ASCC2: variants seen among roughly 807,000 people sequenced by gnomAD.
The protein encoded by ASCC2 is ASC-1 complex subunit P100.
Under a neutral mutation model 93.5 loss-of-function variants are expected in ASCC2, and 42 were observed. The ratio of observed to expected loss-of-function variants is 0.45; its 90% CI spans 0.35 to 0.58. The LOEUF is 0.58. ASCC2 is among the 20% of genes least tolerant of loss of function. The pLI is 0.00. For missense variants in ASCC2, 859 were observed against 977.6 expected (o/e 0.88, Z 1.62); for synonymous variants, 364 against 384.2 (o/e 0.95, Z 0.62).
At chr22:29,832,587 C>CTTT (rs375947944) in intron 1 of ASCC2, 118 of 200,134 alleles carry the variant, frequency 5.9e-4, no homozygotes, top group South Asian at 1.0e-3. Flanking sequence ...TTTCCACCCA[C>CTTT]TTTTTTTTTT....
chr22:29,807,710 A>G (rs2059837521), intron 9 of ASCC2, among the ~76,000 whole-genome samples: 1 of 152,056 alleles, frequency 6.6e-6, no homozygotes, highest in Non-Finnish European at 1.5e-5. Context: ...GCAGTTCAAG[A>G]CCAGCCTGGC....
intron 5 of ASCC2, chr22:29,816,698 A>G (rs1008558786): frequency 6.6e-6 from 1 of 152,092 alleles, no homozygotes; most frequent in South Asian, 2.1e-4. Context: ...AGTGTTTACT[A>G]TTCTCCAAGT....
At position 29,793,564 on chromosome 22, in the gene ASCC2, C is replaced by T. The variant is rs747990302; in HGVS notation, c.1788+13G>A. 2.5e-6 allele frequency: 4 copies of T among 1,613,402 alleles called. No individual in the cohort carries two copies. Among genetic ancestry groups the T allele is most frequent in the Non-Finnish European group, 3.4e-6 (4 of 1,179,820 alleles). ...TTCCCTGGCCCAGCAGAGACCTGGC[C>T]TTGGTGGCCTACCTCCTCCACCACC... is the stretch of plus-strand genomic sequence containing the variant. On this transcript the variant is annotated intron_variant, in intron 16 of 19. Coordinates refer to ENST00000307790, the MANE Select transcript of ASCC2 (RefSeq NM_032204.5).
At position 29,825,293 on chromosome 22, in the gene ASCC2, C is replaced by A. The variant is rs1470359312; in HGVS notation, c.241-36G>T. ...AGACAGAGGAGAGCGAGGATTTATC[C>A]CTTAGGCCCCAGGGGCTTGTGGGTG... On this transcript the variant is annotated intron_variant, in intron 3 of 19. Coordinates refer to ENST00000307790, the MANE Select transcript of ASCC2 (RefSeq NM_032204.5). This position sits in a 1 kb window ranked among gnomAD's most constrained non-coding sequence, Gnocchi z 4.9. 2.0e-6 allele frequency: 3 copies of A among 1,504,620 alleles called. No homozygotes were observed. The highest frequency in any genetic ancestry group is 2.7e-6 in the Non-Finnish European group (3 of 1,126,972). 93.2% of individuals were successfully genotyped at this position (1,504,620 alleles called of 1,614,324 possible). A position where few individuals can be genotyped will look rare whatever the true frequency, so the allele number is the denominator to read the frequency against.
chr22:29,802,755 C>A lies in ASCC2; in HGVS notation c.1354-547G>T, dbSNP rs1023845507. On this transcript the variant is annotated intron_variant, in intron 13 of 19. Transcript: ENST00000307790. ...CTCAGGAGTTTGAGACCAGCCTGGG[C>A]AACACAGTGAAACCCTGTCTCTACT... Among the ~76,000 whole-genome samples, 19 of 152,004 alleles carry A rather than the reference C, an allele frequency of 1.2e-4. No homozygotes were observed. The East Asian group carries it at 3.7e-3, about 29-fold the overall frequency.
intron 19 of ASCC2, among the ~76,000 whole-genome samples, chr22:29,789,697 G>T (rs2068690760): frequency 6.6e-6 from 1 of 152,196 alleles, no homozygotes; most frequent in African/African-American, 2.4e-5. Flanking sequence ...GGGTTGCTCT[G>T]CTCCCTGCTC....
chr22:29,801,057 T>C lies in ASCC2; in HGVS notation c.1622A>G (p.Gln541Arg). Residue 541 changes from glutamine to arginine, a missense_variant, in exon 15 of 20, where the codon CAG becomes CGG. Transcript: ENST00000307790. The part of the protein sequence containing the change: ...PLLTSRHNVF[Q>R]NDEFDVFSRD... ...GCTGAACACATCAAACTCGTCATTC[T>C]GGAAGACGTTGTGGCGAGACGTCAG... The C allele has an allele frequency of 6.2e-7, 1 of 1,609,874 alleles. No individual in the cohort carries two copies. Among genetic ancestry groups the C allele is most frequent in the African/African-American group, 1.3e-5 (1 of 74,972 alleles).
At chr22:29,823,730 C>T (rs184113611) in intron 4 of ASCC2, among the ~76,000 whole-genome samples, 1 of 152,092 alleles carries the variant, frequency 6.6e-6, no homozygotes, top group Admixed American at 6.5e-5. Flanking sequence ...TGCCTGTAAT[C>T]CCAGCTACTT....
chr22:29,800,944 C>T (rs773566930), intron 15 of ASCC2, 47 bp downstream of exon 15: 2 of 1,542,810 alleles, frequency 1.3e-6, no homozygotes, highest in Middle Eastern at 1.8e-4. Flanking sequence ...GTCCTCTCTG[C>T]ACTTCCAGAG....
rs553563192 is a variant in ASCC2, at chr22:29,792,447, C to A, written c.2008G>T (p.Glu670Ter). The A allele has an allele frequency of 6.2e-7, 1 of 1,613,936 alleles. No homozygotes were observed. The highest frequency in any genetic ancestry group is 8.5e-7 in the Non-Finnish European group (1 of 1,179,894). ...DDDDEEDDADEEAPKPDHFVQ... is the reference protein window; with the variant it reads ...DDDDEEDDAD ...CAGGGAGGTACCTTGGGAGCCTCCT[C>A]GTCAGCATCGTCTTCCTCATCGTCG... Residue 670 changes from glutamate (E) to a stop codon, truncating the protein, a stop_gained, in exon 18 of 20, where the codon GAG becomes TAG. Transcript: ENST00000307790. LOFTEE classifies it high-confidence loss of function.
chr22:29,789,084 C>T lies in ASCC2; in HGVS notation c.2203G>A (p.Ala735Thr). 1.9e-6 allele frequency: 3 copies of T among 1,614,156 alleles called. No individual in the cohort carries two copies. In the South Asian group the frequency reaches 3.3e-5, roughly 18 times the overall value. Residue 735 changes from alanine (A) to threonine (T), a missense_variant, in exon 20 of 20, where the codon GCG (alanine) becomes ACG (threonine). Coordinates refer to ENST00000307790, the MANE Select transcript of ASCC2 (RefSeq NM_032204.5). ...CTCCGGTTGTGGTTGGCTCTTGTCG[C>T]CTTGTTGGCTTCCTTCTTCCTGCGT... ...QERRKKEANK[A>T]TRANHNRRTM...
rs536683667 is a variant in ASCC2, at chr22:29,837,980, T to C, written c.-18+198A>G. Among the ~76,000 whole-genome samples, 7 of 152,346 alleles carry C rather than the reference T, an allele frequency of 4.6e-5. No homozygotes were observed. The East Asian group carries it at 9.6e-4, about 21-fold the overall frequency. ...GATCGTGGCTGGTCCAACGCCACTC[T>C]GGGGCCGAACTTCGAACCCGTGGCT... On this transcript the variant is annotated intron_variant, in intron 1 of 19. Transcript: ENST00000307790.
Position 29,793,364 on chromosome 22 carries a change from G to T in ASCC2, c.1915C>A (p.Arg639Ser), listed in dbSNP as rs546832800. Residue 639 changes from arginine to serine, a missense_variant, in exon 17 of 20, where the codon CGC becomes AGC. Arg to Ser is a moderately radical substitution (Grantham distance 110). Coordinates refer to ENST00000307790, the MANE Select transcript of ASCC2 (RefSeq NM_032204.5). The stretch of plus-strand genomic sequence containing the variant: ...CCACCCCCACTATGGCCTCACCTGC[G>T]GCTGATGAGCTCGTCATCAGAGTCT... ...DADSDDELIS[R>S]RPFTIPQVLR... 12 of 1,613,504 alleles carry T rather than the reference G, an allele frequency of 7.4e-6. No individual in the cohort carries two copies. In the East Asian group the frequency reaches 1.3e-4, roughly 18 times the overall value.
chr22:29,807,308 C>T (rs373796337), intron 9 of ASCC2, among the ~76,000 whole-genome samples: 1 of 151,876 alleles, frequency 6.6e-6, no homozygotes, highest in African/African-American at 2.4e-5. Context: ...GAGCTTCTCC[C>T]CAGCAGTTGC....
chr22:29,813,306 C>T, intron 8 of ASCC2, 124 bp downstream of exon 8: 1 of 709,628 alleles, frequency 1.4e-6, no homozygotes, highest in Non-Finnish European at 2.4e-6. Flanking sequence ...TGCTGCATCC[C>T]CAGGCTGGAA....
intron 8 of ASCC2, among the ~76,000 whole-genome samples, chr22:29,813,099 T>C (rs2147944252): frequency 6.6e-6 from 1 of 152,314 alleles, no homozygotes; most frequent in Middle Eastern, 3.4e-3. Context: ...CAGGCTGGTC[T>C]TGAACTCCTG....
At chr22:29,801,386 C>T (rs2059059546) in intron 14 of ASCC2, among the ~76,000 whole-genome samples, 1 of 152,214 alleles carries the variant, frequency 6.6e-6, no homozygotes, top group Admixed American at 6.5e-5. Context: ...CGCTATCCCA[C>T]ATTTAATGCT....
chr22:29,835,028 G>A (rs1290679000), intron 1 of ASCC2, among the ~76,000 whole-genome samples: 2 of 152,112 alleles, frequency 1.3e-5, no homozygotes, highest in Non-Finnish European at 2.9e-5. Flanking sequence ...GTCAGGAGGA[G>A]GAGGCAAGTC....
chr22:29,801,124 A>C lies in ASCC2; in HGVS notation c.1569-14T>G. ...GGTTTCATTTCTCTGGGTGGGGGAC[A>C]CAGAGATCAATTTAAGGGGGCCCTG... is the stretch of plus-strand genomic sequence containing the variant. On this transcript the variant is annotated splice_polypyrimidine_tract_variant and intron_variant, in intron 14 of 19. Transcript: ENST00000307790. The C allele has an allele frequency of 6.3e-7, 1 of 1,583,804 alleles. No homozygotes were observed. The highest frequency in any genetic ancestry group is 8.6e-7 in the Non-Finnish European group (1 of 1,156,646).
Sources: gnomAD v4.1 joint callset for allele counts (sites outside exome capture counted in the v4.1 genomes callset) on GRCh38, gnomAD v4.1.1 for gene constraint, Gnocchi (gnomAD v3.1) non-coding constraint, MANE v1.5 for transcripts, NCBI Gene and HGNC (gene_info 2026-07-23, HGNC 2026-07-21) for gene names.